The following SPTA1 variants were observed in gnomAD, a reference collection of about 807,000 sequenced individuals.
SPTA1 encodes the protein spectrin alpha, erythrocytic 1.
SPTA1 carries 177 observed loss-of-function variants against 324.7 expected under a neutral mutation model. That is an observed-to-expected ratio of 0.55 (90% CI 0.48 to 0.62). SPTA1 has a LOEUF of 0.62. Ranked by LOEUF, SPTA1 falls within the 20% of genes least tolerant of loss-of-function variation. The pLI is 0.00. For synonymous variants in SPTA1, 1,195 were observed against 1,041.3 expected (o/e 1.15, Z -2.84); for missense variants, 3,162 against 2,883.6 (o/e 1.10, Z -2.21).
chr1:158,625,736 G>A (rs1426044466), intron 42 of SPTA1, among the ~76,000 whole-genome samples: 2 of 151,486 alleles, frequency 1.3e-5, no homozygotes, highest in African/African-American at 2.4e-5. Context: ...GCTTTGCTTT[G>A]GGAAAAATTA....
intron 33 of SPTA1, among the ~76,000 whole-genome samples, chr1:158,641,729 A>G (rs1178966266): frequency 6.6e-6 from 1 of 152,228 alleles, no homozygotes; most frequent in Non-Finnish European, 1.5e-5. Context: ...AAACTGGTTC[A>G]ACCATTGGGG....
chr1:158,639,937 A>G lies in SPTA1; in HGVS notation c.4808T>C (p.Leu1603Pro), dbSNP rs1193711212. 2 of 1,613,898 alleles carry G rather than the reference A, an allele frequency of 1.2e-6. No homozygotes were observed. The highest frequency in any genetic ancestry group is 1.7e-6 in the Non-Finnish European group (2 of 1,179,916). The part of the protein sequence containing the change: ...LERTNDKGKK[L>P]NEASRQQRFN... Reference sequence around the variant, plus strand: ...CCTCTGTTGACGACTGGCCTCATTGAGCTTCTTCCCTTTGTCATTTGTTCT... The same window carrying G: ...CCTCTGTTGACGACTGGCCTCATTGGGCTTCTTCCCTTTGTCATTTGTTCT... The change falls in exon 34 of 52, where the codon CTC (leucine) becomes CCC (proline). Residue 1603 changes from leucine (L) to proline (P), a missense_variant. Coordinates refer to ENST00000643759, the MANE Select transcript of SPTA1 (RefSeq NM_003126.4).
intron 14 of SPTA1, among the ~76,000 whole-genome samples, chr1:158,668,717 G>A (rs857681): frequency 0.056 from 8,584 of 152,162 alleles, 325 homozygotes; most frequent in Middle Eastern, 0.14. Context: ...ATTTTTGAGT[G>A]CAATATATGT....
chr1:158,614,023 A>C (rs1045748116), intron 49 of SPTA1, among the ~76,000 whole-genome samples, 156 bp from the exon 50 acceptor site: 9 of 152,206 alleles, frequency 5.9e-5, no homozygotes, highest in Admixed American at 5.9e-4. Context: ...TGTCATGTAC[A>C]TTTTTTTAAC....
intron 2 of SPTA1, 100 bp downstream of exon 2, chr1:158,685,008 G>A (rs1375868128): frequency 7.2e-7 from 1 of 1,396,340 alleles, no homozygotes; most frequent in Non-Finnish European, 1.0e-6. Context: ...GAATCTAATT[G>A]TACCCACACA....
At chr1:158,641,097 G>T (rs1190046653) in intron 33 of SPTA1, among the ~76,000 whole-genome samples, 2 of 151,870 alleles carry the variant, frequency 1.3e-5, no homozygotes, top group African/African-American at 4.8e-5. Flanking sequence ...GGGAAAACTG[G>T]CTAGACATAT....
intron 11 of SPTA1, among the ~76,000 whole-genome samples, 186 bp from the exon 12 acceptor site, chr1:158,671,639 C>G (rs1654036545): frequency 6.6e-6 from 1 of 152,152 alleles, no homozygotes; most frequent in Non-Finnish European, 1.5e-5. Flanking sequence ...TACTCTCATA[C>G]AATTTTCTCA....
At chr1:158,651,276 T>C (rs1285744912) in intron 24 of SPTA1, 91 bp downstream of exon 24, 2 of 848,524 alleles carry the variant, frequency 2.4e-6, no homozygotes, top group Non-Finnish European at 4.1e-6. Context: ...TTCTAGTGGG[T>C]CTGCAGAATA....
rs1355895396 is a variant in SPTA1 at position 158,612,693 on chromosome 1, GA to G, written c.7134+123del. On this transcript the variant is annotated intron_variant, in intron 51 of 51. Transcript: ENST00000643759. ...GTTACCAAAGCAAATGACATCTTGT[GA>G]AAGGGGAGGTCTGAAAAAAAAAAAC... The G allele has an allele frequency of 4.9e-6, 5 of 1,029,864 alleles. No individual in the cohort carries two copies. In the South Asian group the frequency reaches 6.7e-5, roughly 14 times the overall value. 63.8% of individuals were successfully genotyped at this position (1,029,864 alleles called of 1,614,324 possible).
In SPTA1 at chr1:158,685,180, A is replaced by T. The variant is rs200860772; in HGVS notation, c.192T>A (p.Asp64Glu). The T allele has an allele frequency of 1.7e-3, 2,746 of 1,613,698 alleles. 3 individuals are homozygous for T. Among genetic ancestry groups the T allele is most frequent in the Non-Finnish European group, 2.1e-3 (2,440 of 1,179,824 alleles). The change falls in exon 2 of 52, where the codon GAT becomes GAA. Residue 64 changes from aspartate to glutamate, a missense_variant. Coordinates refer to ENST00000643759, the MANE Select transcript of SPTA1 (RefSeq NM_003126.4). ...CTTTCTCCATGATCCACTTCCCCAG[A>T]TCATCTGCATCTCGCTTGAAAACTT... ...HLQVFKRDAD[D>E]LGKWIMEKVN...
At chr1:158,682,681 A>G (rs1337590892) in intron 3 of SPTA1, among the ~76,000 whole-genome samples, 1 of 152,216 alleles carries the variant, frequency 6.6e-6, no homozygotes, top group Non-Finnish European at 1.5e-5. Flanking sequence ...AACAGTAAAA[A>G]GTTCACTCAC....
At chr1:158,619,851 G>A (rs932906081) in intron 44 of SPTA1, among the ~76,000 whole-genome samples, 1 of 152,054 alleles carries the variant, frequency 6.6e-6, no homozygotes, top group African/African-American at 2.4e-5. Context: ...TGAATGAGGG[G>A]GATATGTAGA....
At chr1:158,622,848 A>G (rs2101767451) in intron 43 of SPTA1, 135 bp downstream of exon 43, 2 of 883,156 alleles carry the variant, frequency 2.3e-6, no homozygotes, top group East Asian at 4.9e-5. Context: ...CTCAGTAAGA[A>G]TGTCTTCCCA....
Position 158,669,777 on chromosome 1 carries a change from T to C in SPTA1, c.1609A>G (p.Lys537Glu). ...AQEEKIITVD[K>E]TATKLIGDDH... ...TCACCAATCAATTTGGTTGCAGTCT[T>C]GTCTACAGTCTGAAAAAATAAAAAT... The change falls in exon 13 of 52, where the codon AAG (lysine) becomes GAG (glutamate). Residue 537 changes from lysine (K) to glutamate (E), a missense_variant. Lys to Glu is a moderately conservative substitution (Grantham distance 56). Coordinates refer to ENST00000643759, the MANE Select transcript of SPTA1 (RefSeq NM_003126.4). 1.9e-6 allele frequency: 3 copies of C among 1,614,078 alleles called. No homozygotes were observed. The highest frequency in any genetic ancestry group is 2.5e-6 in the Non-Finnish European group (3 of 1,179,958).
intron 33 of SPTA1, among the ~76,000 whole-genome samples, chr1:158,641,083 T>C (rs1651527566): frequency 6.6e-6 from 1 of 152,194 alleles, no homozygotes; most frequent in South Asian, 2.1e-4. Flanking sequence ...TAATAAATGG[T>C]GCTGGGAAAA....
intron 39 of SPTA1, among the ~76,000 whole-genome samples, chr1:158,631,750 TCACTTCA>T (rs1466088623): frequency 1.3e-5 from 2 of 152,122 alleles, no homozygotes; most frequent in African/African-American, 4.8e-5. Context: ...TAATGAGATA[TCACTTCA>T]CACCTGTCAG....
At chr1:158,664,175 G>A (rs889873033) in intron 16 of SPTA1, among the ~76,000 whole-genome samples, 14 of 152,002 alleles carry the variant, frequency 9.2e-5, no homozygotes, top group Admixed American at 2.6e-4. Flanking sequence ...ATCCCATTAC[G>A]GGGTATATAC....
intron 36 of SPTA1, 126 bp downstream of exon 36, chr1:158,637,907 C>T: frequency 8.7e-7 from 1 of 1,143,020 alleles, no homozygotes; most frequent in South Asian, 1.2e-5. Flanking sequence ...TAAGCTGAGG[C>T]AAACATGAAG....
At position 158,619,646 on chromosome 1, in the gene SPTA1, C is replaced by T. The variant is rs10908686; in HGVS notation, c.6418-312G>A. 0.33 allele frequency among the ~76,000 whole-genome samples: 50,314 copies of T among 151,982 alleles called. 8,714 individuals carry two copies. Among genetic ancestry groups the T allele is most frequent in the African/African-American group, 0.43 (17,672 of 41,410 alleles). On this transcript the variant is annotated intron_variant, in intron 44 of 51. Coordinates refer to ENST00000643759, the MANE Select transcript of SPTA1 (RefSeq NM_003126.4). ...TGGGGAAATTTAATTTAAATGAACA[C>T]AAAAGCAGCCTTAAAGGGCCTGCTA... is the stretch of plus-strand genomic sequence containing the variant.
Sources: gnomAD v4.1 joint callset for allele counts (sites outside exome capture counted in the v4.1 genomes callset) on GRCh38, gnomAD v4.1.1 for gene constraint, MANE v1.5 for transcripts, NCBI Gene and HGNC (gene_info 2026-07-23, HGNC 2026-07-21) for gene names.